The following JAM3 variants were observed in gnomAD, a reference collection of about 807,000 sequenced individuals.
The protein encoded by JAM3 is junctional adhesion molecule 3.
A neutral mutation model predicts 39.4 loss-of-function variants in JAM3; 31 were observed. The observed-to-expected ratio is 0.79, with a 90% CI of 0.59 to 1.06. The LOEUF is 1.06. Among genes scored for constraint, JAM3 ranks in the 50% least tolerant of loss-of-function variants. JAM3 has a pLI of 0.00. For missense variants in JAM3, 455 were observed against 391.4 expected (o/e 1.16, Z -1.37); for synonymous variants, 182 against 148.7 (o/e 1.22, Z -1.63).
intron 1 of JAM3, among the ~76,000 whole-genome samples, chr11:134,116,118 T>C (rs1263709433): frequency 6.6e-6 from 1 of 152,222 alleles, no homozygotes; most frequent in Admixed American, 6.5e-5. Context: ...CTCAAGGAGA[T>C]GGAAATTAAG....
intron 1 of JAM3, among the ~76,000 whole-genome samples, chr11:134,106,096 C>G (rs2120703890): frequency 6.6e-6 from 1 of 152,264 alleles, no homozygotes; most frequent in Non-Finnish European, 1.5e-5. Context: ...TGACTTCAAA[C>G]TATACTACAA....
At chr11:134,081,172 C>T (rs1482242119) in intron 1 of JAM3, among the ~76,000 whole-genome samples, 1 of 152,168 alleles carries the variant, frequency 6.6e-6, no homozygotes, top group Non-Finnish European at 1.5e-5. Flanking sequence ...AGAAGCAGAG[C>T]ATAAAAGTTC....
rs986177835 is a variant in JAM3, at chr11:134,138,178, G to A, written c.77-1673G>A. On this transcript the variant is annotated intron_variant, in intron 1 of 8. Coordinates refer to ENST00000299106, the MANE Select transcript of JAM3 (RefSeq NM_032801.5). Reference sequence around the variant, plus strand: ...CCCTTAGAGCCAGTGGTGGCGTCTCGTCGAAGTCGTGGTGCTCATACTGAG... The same window carrying A: ...CCCTTAGAGCCAGTGGTGGCGTCTCATCGAAGTCGTGGTGCTCATACTGAG... 2.9e-4 allele frequency among the ~76,000 whole-genome samples: 37 copies of A among 128,630 alleles called. 1 individual carries two copies. Among genetic ancestry groups the A allele is most frequent in the Non-Finnish European group, 5.2e-4 (33 of 62,962 alleles). 84.4% of individuals were successfully genotyped at this position (128,630 alleles called of 152,430 possible). A position where few individuals can be genotyped will look rare whatever the true frequency, so the allele number is the denominator to read the frequency against.
intron 1 of JAM3, among the ~76,000 whole-genome samples, chr11:134,098,337 A>G (rs1383411424): frequency 6.6e-6 from 1 of 152,232 alleles, no homozygotes; most frequent in Non-Finnish European, 1.5e-5. Flanking sequence ...CTGTTTTGAA[A>G]GAGGTCTTTT....
At chr11:134,116,849 T>A (rs552633772) in intron 1 of JAM3, among the ~76,000 whole-genome samples, 1 of 152,302 alleles carries the variant, frequency 6.6e-6, no homozygotes, top group African/African-American at 2.4e-5. Flanking sequence ...TAGTTTATAG[T>A]GGTATGTCTG....
chr11:134,086,056 C>T (rs971377287), intron 1 of JAM3, among the ~76,000 whole-genome samples: 1 of 152,142 alleles, frequency 6.6e-6, no homozygotes, highest in Non-Finnish European at 1.5e-5. Flanking sequence ...GTAATAATCT[C>T]CTCACATATT....
chr11:134,149,617 G>GA lies in JAM3; in HGVS notation c.*438dup. 2.2e-6 allele frequency: 1 copy of GA among 462,946 alleles called. No homozygotes were observed. The highest frequency in any genetic ancestry group is 4.3e-6 in the Non-Finnish European group (1 of 231,576). 28.7% of individuals were successfully genotyped at this position (462,946 alleles called of 1,614,324 possible). A position where few individuals can be genotyped will look rare whatever the true frequency, so the allele number is the denominator to read the frequency against. On this transcript the variant is annotated 3_prime_UTR_variant, in exon 9 of 9. Transcript: ENST00000299106. ...CAGCACCAGCAGCGCATCCCGGCGG[G>GA]AACCCAGAAAAGGCTTCTTACACAG... is the stretch of plus-strand genomic sequence containing the variant.
chr11:134,072,793 C>A (rs1002088753), intron 1 of JAM3, among the ~76,000 whole-genome samples: 1 of 152,116 alleles, frequency 6.6e-6, no homozygotes, highest in Non-Finnish European at 1.5e-5. Flanking sequence ...GCCTGTAGTC[C>A]CAGCTACTCT....
intron 1 of JAM3, among the ~76,000 whole-genome samples, chr11:134,109,543 G>T (rs1044112373): frequency 1.3e-5 from 2 of 152,206 alleles, no homozygotes; most frequent in African/African-American, 4.8e-5. Flanking sequence ...AAACCCAAAA[G>T]ATCTGAGACA....
At chr11:134,096,183 C>T (rs762303000) in intron 1 of JAM3, among the ~76,000 whole-genome samples, 5 of 152,070 alleles carry the variant, frequency 3.3e-5, no homozygotes, top group Non-Finnish European at 5.9e-5. Flanking sequence ...CTCCATGTTG[C>T]CCAGTCTCTG....
chr11:134,110,608 CG>C (rs1354957970), intron 1 of JAM3, among the ~76,000 whole-genome samples: 3 of 152,050 alleles, frequency 2.0e-5, no homozygotes, highest in African/African-American at 7.3e-5. Context: ...GTGACAAAAT[CG>C]CTAAGTGGTT....
rs1289368999 is a variant in JAM3 at position 134,148,800 on chromosome 11, C to T, written c.879C>T (p.Tyr293=). The change falls in exon 8 of 9, where the codon TAC becomes TAT. Residue 293 remains tyrosine (Y), a synonymous_variant. Coordinates refer to ENST00000299106, the MANE Select transcript of JAM3 (RefSeq NM_032801.5). ...KNPGKPDGVN[Y]IRTDEEGDFR... ...CAGGGAAACCAGATGGAGTTAACTA[C>T]ATCCGCACTGACGAGGAGGTAATCA... The T allele has an allele frequency of 1.2e-6, 2 of 1,614,158 alleles. No individual in the cohort carries two copies. The highest frequency in any genetic ancestry group is 1.7e-6 in the Non-Finnish European group (2 of 1,180,010).
intron 1 of JAM3, among the ~76,000 whole-genome samples, chr11:134,125,763 G>A (rs1007993397): frequency 2.6e-5 from 4 of 152,190 alleles, no homozygotes; most frequent in Admixed American, 2.0e-4. Flanking sequence ...TGCTCATCCT[G>A]TAGCTCCTTC....
chr11:134,119,846 G>A (rs896148760), intron 1 of JAM3, among the ~76,000 whole-genome samples: 4 of 152,126 alleles, frequency 2.6e-5, no homozygotes, highest in African/African-American at 9.7e-5. Flanking sequence ...ACTTGGTTGG[G>A]TCTTTTTGTA....
chr11:134,103,029 T>A (rs1942106122), intron 1 of JAM3, among the ~76,000 whole-genome samples: 7 of 152,050 alleles, frequency 4.6e-5, no homozygotes, highest in Admixed American at 4.6e-4. Flanking sequence ...AAGATACTCC[T>A]CGAGAAGAGC....
chr11:134,122,005 G>C (rs1418984387), intron 1 of JAM3, among the ~76,000 whole-genome samples: 1 of 152,176 alleles, frequency 6.6e-6, no homozygotes, highest in African/African-American at 2.4e-5. Flanking sequence ...GTTGTGTTTT[G>C]AAATGGAGAA....
At chr11:134,139,608 G>T (rs1010627343) in intron 1 of JAM3, 1 of 528,414 alleles carries the variant, frequency 1.9e-6, no homozygotes, top group Non-Finnish European at 3.4e-6. Flanking sequence ...TTTGTTCTGG[G>T]ACTAAAAAGG....
chr11:134,127,302 C>G (rs1942668236), intron 1 of JAM3, among the ~76,000 whole-genome samples: 1 of 152,232 alleles, frequency 6.6e-6, no homozygotes, highest in Admixed American at 6.5e-5. Flanking sequence ...AGGAATTAAT[C>G]TGAATCATTT....
chr11:134,144,201 C>A (rs371389064), intron 3 of JAM3, 40 bp from the exon 4 acceptor site: 36 of 1,613,366 alleles, frequency 2.2e-5, no homozygotes, highest in African/African-American at 2.1e-4. Flanking sequence ...GCAAAGATTT[C>A]TTTAAAGAAG....
Sources: allele counts gnomAD v4.1 joint callset (sites outside exome capture counted in the v4.1 genomes callset), GRCh38; gene constraint gnomAD v4.1.1; transcripts MANE v1.5; gene names NCBI Gene and HGNC (gene_info 2026-07-23, HGNC 2026-07-21).